ADAM22: variants seen among roughly 807,000 people sequenced by gnomAD.
ADAM22 encodes the protein ADAM metallopeptidase domain 22, also known as disintegrin and metalloproteinase domain-containing protein 22.
A neutral mutation model predicts 144.6 loss-of-function variants in ADAM22; 65 were observed. That is an observed-to-expected ratio of 0.45 (90% CI 0.37 to 0.55). The LOEUF is 0.55. Ranked by LOEUF, ADAM22 falls within the 20% of genes least tolerant of loss-of-function variation. The pLI is 0.00. For missense variants in ADAM22, 974 were observed against 1,184.9 expected (o/e 0.82, Z 2.61); for synonymous variants, 391 against 412.6 (o/e 0.95, Z 0.63).
At position 88,059,655 on chromosome 7, in the gene ADAM22, A is replaced by G. The variant is rs917508717; in HGVS notation, c.324-15971A>G. On this transcript the variant is annotated intron_variant, in intron 3 of 31. Transcript: ENST00000413139. ...GGTGGACTGGATTTAAAAATGTGGC[A>G]TATATACACCATGGAATACTATGCA... is the stretch of plus-strand genomic sequence containing the variant. Among the ~76,000 whole-genome samples the G allele has an allele frequency of 3.3e-5, 5 of 152,216 alleles. No homozygotes were observed. In the East Asian group the frequency reaches 5.8e-4, roughly 18 times the overall value.
chr7:87,951,328 G>A (rs1457189379), intron 2 of ADAM22, among the ~76,000 whole-genome samples: 1 of 133,018 alleles, frequency 7.5e-6, no homozygotes, highest in Non-Finnish European at 1.6e-5. Context: ...AAGATGTAAG[G>A]AAGGGATCCA....
chr7:88,088,968 GTACTTA>G (rs772271467), intron 4 of ADAM22, among the ~76,000 whole-genome samples: 9 of 151,382 alleles, frequency 5.9e-5, no homozygotes, highest in South Asian at 2.1e-4. Context: ...TTTAATGACA[GTACTTA>G]TACTTAACAT....
At chr7:88,007,575 A>G (rs1794249222) in intron 3 of ADAM22, among the ~76,000 whole-genome samples, 1 of 152,194 alleles carries the variant, frequency 6.6e-6, no homozygotes, top group South Asian at 2.1e-4. Context: ...AACAGAACAG[A>G]GCCCTCAGAA....
chr7:88,135,870 T>G, intron 13 of ADAM22, 110 bp from the exon 14 acceptor site: 1 of 903,492 alleles, frequency 1.1e-6, no homozygotes, highest in Non-Finnish European at 1.6e-6. Context: ...TTACTACTTT[T>G]TAAAAGGCAT....
chr7:88,072,621 C>T (rs1454631148), intron 3 of ADAM22, among the ~76,000 whole-genome samples: 4 of 152,170 alleles, frequency 2.6e-5, no homozygotes, highest in East Asian at 1.9e-4. Context: ...TATTCACCAC[C>T]GTACAGCTCA....
At chr7:88,096,115 G>C (rs1821222836) in intron 4 of ADAM22, among the ~76,000 whole-genome samples, 1 of 151,998 alleles carries the variant, frequency 6.6e-6, no homozygotes, top group Admixed American at 6.6e-5. Flanking sequence ...TAGAGACCAG[G>C]TCTCACTATG....
intron 3 of ADAM22, among the ~76,000 whole-genome samples, chr7:88,057,150 G>C (rs1808475314): frequency 6.6e-6 from 1 of 151,588 alleles, no homozygotes; most frequent in Admixed American, 6.6e-5. Context: ...TCTTAAGACA[G>C]GGTCTCGCTA....
At chr7:87,969,322 T>C (rs371417229) in intron 2 of ADAM22, among the ~76,000 whole-genome samples, 6 of 152,350 alleles carry the variant, frequency 3.9e-5, no homozygotes, top group African/African-American at 1.2e-4. Flanking sequence ...TGGAGTGCTT[T>C]CCCTTACATT....
At position 87,960,981 on chromosome 7, in the gene ADAM22, A is replaced by G. The variant is rs1394778930; in HGVS notation, c.247-17355A>G. On this transcript the variant is annotated intron_variant, in intron 2 of 31. Transcript: ENST00000413139. Reference sequence around the variant, plus strand: ...TTCTTCTGGGCTTATGTTCTAGCACATAGACAAAAATATAGTAAATGATGC... The same window carrying G: ...TTCTTCTGGGCTTATGTTCTAGCACGTAGACAAAAATATAGTAAATGATGC... Among the ~76,000 whole-genome samples the G allele has an allele frequency of 3.9e-5, 6 of 152,232 alleles. No homozygotes were observed. The East Asian group carries it at 7.7e-4, about 20-fold the overall frequency.
chr7:88,164,646 T>A (rs567735825), intron 23 of ADAM22, among the ~76,000 whole-genome samples: 68 of 152,216 alleles, frequency 4.5e-4, no homozygotes, highest in African/African-American at 1.6e-3. Flanking sequence ...AATTTCTTCC[T>A]CTGTAAAATG....
chr7:88,061,883 C>T (rs1809986397), intron 3 of ADAM22, among the ~76,000 whole-genome samples: 1 of 147,138 alleles, frequency 6.8e-6, no homozygotes, highest in Non-Finnish European at 1.5e-5. Flanking sequence ...CAGTTTGTGG[C>T]CCAGGCTGGA....
At chr7:88,063,847 C>T (rs1810509383) in intron 3 of ADAM22, among the ~76,000 whole-genome samples, 1 of 152,128 alleles carries the variant, frequency 6.6e-6, no homozygotes, top group Admixed American at 6.6e-5. Flanking sequence ...CTTACAAATC[C>T]AAACCATCAA....
chr7:88,004,142 T>A (rs1584950571), intron 3 of ADAM22, among the ~76,000 whole-genome samples: 1 of 152,342 alleles, frequency 6.6e-6, no homozygotes, highest in Middle Eastern at 3.4e-3. Context: ...TTGCCTGCAC[T>A]AAGAGGCTTC....
At chr7:88,021,828 G>T (rs973787768) in intron 3 of ADAM22, among the ~76,000 whole-genome samples, 1 of 151,922 alleles carries the variant, frequency 6.6e-6, no homozygotes, top group Non-Finnish European at 1.5e-5. Context: ...AGAGACAATG[G>T]TATAAAGTTT....
At chr7:88,183,368 C>G (rs984970103) in intron 29 of ADAM22, among the ~76,000 whole-genome samples, 7 of 151,854 alleles carry the variant, frequency 4.6e-5, no homozygotes, top group African/African-American at 1.7e-4. Context: ...TTAGAACTTC[C>G]TTGTTTACTG....
intron 2 of ADAM22, among the ~76,000 whole-genome samples, chr7:87,964,115 A>C (rs931559900): frequency 6.6e-6 from 1 of 152,186 alleles, no homozygotes. Context: ...TCTATATCCT[A>C]TCTCCCTCAT....
intron 31 of ADAM22, 29 bp downstream of exon 31, chr7:88,193,268 C>CA: frequency 6.2e-7 from 1 of 1,607,546 alleles, no homozygotes; most frequent in South Asian, 1.1e-5. Flanking sequence ...CATGTGCGTA[C>CA]ATGCTCAGTC....
intron 3 of ADAM22, among the ~76,000 whole-genome samples, chr7:88,066,747 C>T (rs1003988735): frequency 3.9e-5 from 6 of 152,026 alleles, no homozygotes; most frequent in Non-Finnish European, 8.8e-5. Flanking sequence ...GAGACAGAAG[C>T]AGCAGCAAGA....
chr7:88,195,746 T>C (rs1447405099), intron 31 of ADAM22, among the ~76,000 whole-genome samples: 13 of 152,062 alleles, frequency 8.5e-5, no homozygotes, highest in Admixed American at 3.9e-4. Flanking sequence ...CTCGATCTCC[T>C]GACCTCGTGA....
Sources: allele counts gnomAD v4.1 joint callset (sites outside exome capture counted in the v4.1 genomes callset), GRCh38; gene constraint gnomAD v4.1.1; transcripts MANE v1.5; gene names NCBI Gene and HGNC (gene_info 2026-07-23, HGNC 2026-07-21).